Variants in RBFOX3 observed in about 807,000 individuals in gnomAD.
RBFOX3 encodes the protein RNA binding fox-1 homolog 3, also known as RNA binding protein fox-1 homolog 3.
Under a neutral mutation model 48.7 loss-of-function variants are expected in RBFOX3, and 17 were observed. That is an observed-to-expected ratio of 0.35 (90% CI 0.24 to 0.52). The LOEUF is 0.52. Ranked by LOEUF, RBFOX3 falls within the 20% of genes least tolerant of loss-of-function variation. The pLI, the probability that RBFOX3 is intolerant of heterozygous loss-of-function variation, is 0.94. For missense variants in RBFOX3, 382 were observed against 497.5 expected, an observed-to-expected ratio of 0.77 and a Z score of 2.21; for synonymous variants, 212 against 209.5, an observed-to-expected ratio of 1.01 and a Z score of -0.10.
At chr17:79,449,651 T>A (rs868966920) in intron 2 of RBFOX3, among the ~76,000 whole-genome samples, 2 of 10,906 alleles carry the variant, frequency 1.8e-4, no homozygotes, top group Non-Finnish European at 7.5e-4. Flanking sequence ...ACACACACAC[T>A]TTGAGTCTGG....
chr17:79,356,373 T>TGTTTTTG (rs1555684869), intron 2 of RBFOX3, among the ~76,000 whole-genome samples: 7 of 88,992 alleles, frequency 7.9e-5, no homozygotes, highest in Non-Finnish European at 1.3e-4. Flanking sequence ...TTTTTTTTTT[T>TGTTTTTG]TTTTTTTTTT....
chr17:79,548,167 G>A (rs896910876), intron 1 of RBFOX3, among the ~76,000 whole-genome samples: 9 of 152,206 alleles, frequency 5.9e-5, no homozygotes, highest in African/African-American at 1.7e-4. Context: ...AAGAAAGGGC[G>A]GCAGGTAGGG....
At chr17:79,119,398 T>C (rs1257169853) in intron 4 of RBFOX3, among the ~76,000 whole-genome samples, 1 of 152,118 alleles carries the variant, frequency 6.6e-6, no homozygotes, top group Non-Finnish European at 1.5e-5. Context: ...AACCGAGGTG[T>C]AGAGACAAAG....
intron 1 of RBFOX3, among the ~76,000 whole-genome samples, chr17:79,540,001 G>A (rs1294202222): frequency 6.6e-6 from 1 of 152,118 alleles, no homozygotes; most frequent in Non-Finnish European, 1.5e-5. Context: ...TGTCTTATCT[G>A]GCAACCCTGG....
In RBFOX3 at chr17:79,214,561, TG is replaced by T. The variant is rs535678048; in HGVS notation, c.-34+21204del. Among the ~76,000 whole-genome samples the T allele has an allele frequency of 3.4e-4, 47 of 136,732 alleles. No homozygotes were observed. Among genetic ancestry groups the T allele is most frequent in the African/African-American group, 6.3e-4 (23 of 36,556 alleles). The allele number at this position is 136,732 out of a possible 152,430, so 89.7% of individuals were successfully genotyped here. On this transcript the variant is annotated intron_variant, in intron 4 of 14. Coordinates refer to ENST00000693108, the MANE Select transcript of RBFOX3 (RefSeq NM_001350451.2). This position sits in a 1 kb window ranked among gnomAD's most constrained non-coding sequence, Gnocchi z 4.7. ...GGGCAGGCCAAGTGGGAGGGATGTC[TG>T]GGGGGGGTCTCGGAGGAAGCAGGAA...
intron 3 of RBFOX3, among the ~76,000 whole-genome samples, chr17:79,303,787 G>A (rs1304658104): frequency 1.3e-5 from 2 of 152,154 alleles, no homozygotes; most frequent in Admixed American, 1.3e-4. Flanking sequence ...ACGTACGTGT[G>A]TGTATGTACC....
intron 2 of RBFOX3, among the ~76,000 whole-genome samples, chr17:79,450,534 A>G (rs1329758174): frequency 1.2e-5 from 1 of 81,388 alleles, no homozygotes; most frequent in Non-Finnish European, 3.0e-5. Context: ...ACCACCCTGG[A>G]CTTCTGATTT....
intron 4 of RBFOX3, among the ~76,000 whole-genome samples, chr17:79,170,105 AAAG>A (rs2145687377): frequency 7.0e-6 from 1 of 142,814 alleles, no homozygotes; most frequent in South Asian, 2.4e-4. Context: ...GGAAAGCAGG[AAAG>A]GAGGAGGAAG....
In RBFOX3 at chr17:79,560,511, C is replaced by T. The variant is rs1039905845; in HGVS notation, c.-320+50315G>A. On this transcript the variant is annotated intron_variant, in intron 1 of 14. Coordinates refer to ENST00000693108, the MANE Select transcript of RBFOX3 (RefSeq NM_001350451.2). Reference sequence around the variant, plus strand: ...AATTTCATTTTTATGTTTACCAGGACGGTGGGCACCTAATGAGCAGCTACT... The same window carrying T: ...AATTTCATTTTTATGTTTACCAGGATGGTGGGCACCTAATGAGCAGCTACT... Among the ~76,000 whole-genome samples, 124 of 152,272 alleles carry T rather than the reference C, an allele frequency of 8.1e-4. 1 individual carries two copies. Among genetic ancestry groups the T allele is most frequent in the African/African-American group, 2.5e-3 (103 of 41,552 alleles).
Position 79,265,286 on chromosome 17 carries a change from C to T in RBFOX3, c.-73-29481G>A, listed in dbSNP as rs183746621. On this transcript the variant is annotated intron_variant, in intron 3 of 14. Transcript: ENST00000693108. Reference sequence around the variant, plus strand: ...TGCCGTGTCCTCCCCGAAGCCGGCCCTGGGGGGCCACAATTATTAACTGTC... The same window carrying T: ...TGCCGTGTCCTCCCCGAAGCCGGCCTTGGGGGGCCACAATTATTAACTGTC... Among the ~76,000 whole-genome samples, 19 of 152,342 alleles carry T rather than the reference C, an allele frequency of 1.2e-4. No individual in the cohort carries two copies. In the East Asian group the frequency reaches 3.5e-3, roughly 28 times the overall value.
chr17:79,279,170 G>C (rs997919725), intron 3 of RBFOX3, among the ~76,000 whole-genome samples: 2 of 152,150 alleles, frequency 1.3e-5, no homozygotes, highest in Non-Finnish European at 2.9e-5. Flanking sequence ...GGTAAGGTGG[G>C]CACGGGAGGT....
In RBFOX3 at chr17:79,546,218, C is replaced by T. The variant is rs138737447; in HGVS notation, c.-319-63620G>A. On this transcript the variant is annotated intron_variant, in intron 1 of 14. Coordinates refer to ENST00000693108, the MANE Select transcript of RBFOX3 (RefSeq NM_001350451.2). ...GACAACCATGTAGACCCATTCAGGA[C>T]CTCAGCCGAGAGCCCAAACCCCAGG... Among the ~76,000 whole-genome samples, 8 of 152,296 alleles carry T rather than the reference C, an allele frequency of 5.3e-5. No individual in the cohort carries two copies. The East Asian group carries it at 1.4e-3, about 26-fold the overall frequency.
At chr17:79,483,702 A>AT (rs2079115024) in intron 1 of RBFOX3, among the ~76,000 whole-genome samples, 1 of 151,578 alleles carries the variant, frequency 6.6e-6, no homozygotes, top group Admixed American at 6.6e-5. Context: ...CAACGGCTGG[A>AT]TTTAGTGCTG....
intron 1 of RBFOX3, among the ~76,000 whole-genome samples, chr17:79,548,393 G>A (rs1555792614): frequency 6.6e-6 from 1 of 152,236 alleles, no homozygotes; most frequent in African/African-American, 2.4e-5. Flanking sequence ...GGAGGTCCAA[G>A]TCAGCGTCCT....
chr17:79,223,712 A>G (rs1280876498), intron 4 of RBFOX3, among the ~76,000 whole-genome samples: 1 of 152,196 alleles, frequency 6.6e-6, no homozygotes. Flanking sequence ...GCCGGGGTGC[A>G]GGACACTCCC....
chr17:79,392,043 G>A lies in RBFOX3; in HGVS notation c.-174-84219C>T, dbSNP rs2061439466. On this transcript the variant is annotated intron_variant, in intron 2 of 14. Coordinates refer to ENST00000693108, the MANE Select transcript of RBFOX3 (RefSeq NM_001350451.2). This position sits in a 1 kb window ranked among gnomAD's most constrained non-coding sequence, Gnocchi z 5.0. ...TTCTGCCGTCTTGGAAACAGACACCGACAAGCAACAGGGTTCCCATAGTGC... is the reference window on the plus strand; with the variant it reads ...TTCTGCCGTCTTGGAAACAGACACCAACAAGCAACAGGGTTCCCATAGTGC... Among the ~76,000 whole-genome samples, 1 of 152,170 alleles carries A rather than the reference G, an allele frequency of 6.6e-6. No individual in the cohort carries two copies. The highest frequency in any genetic ancestry group is 1.5e-5 in the Non-Finnish European group (1 of 68,046).
chr17:79,429,244 G>T (rs2067980049), intron 2 of RBFOX3, among the ~76,000 whole-genome samples: 1 of 152,234 alleles, frequency 6.6e-6, no homozygotes, highest in Non-Finnish European at 1.5e-5. Context: ...TTGACCCTCT[G>T]TGAGGAGAGG....
At chr17:79,620,583 ACGCACACACACG>A in the RBFOX3 span, among the ~76,000 whole-genome samples, 7 of 93,900 alleles carry the variant, frequency 7.5e-5, no homozygotes, top group African/African-American at 2.3e-4. Context: ...GCACACACGC[ACGCACACACACG>A]CACGCACGCA....
intron 4 of RBFOX3, among the ~76,000 whole-genome samples, chr17:79,197,265 G>A (rs544348723): frequency 8.8e-6 from 1 of 113,838 alleles, no homozygotes; most frequent in African/African-American, 3.6e-5. Flanking sequence ...TGTGTCTCCC[G>A]CTACATCTTT....
Sources: gnomAD v4.1 joint callset for allele counts (sites outside exome capture counted in the v4.1 genomes callset) on GRCh38, gnomAD v4.1.1 for gene constraint, Gnocchi (gnomAD v3.1) non-coding constraint, MANE v1.5 for transcripts, NCBI Gene and HGNC (gene_info 2026-07-23, HGNC 2026-07-21) for gene names.